Variants in ANKRD66 observed in about 807,000 individuals in gnomAD.
The protein encoded by ANKRD66 is ankyrin repeat domain-containing protein 66.
ANKRD66 carries 10 observed loss-of-function variants against 10.9 expected under a neutral mutation model. That is an observed-to-expected ratio of 0.91 (90% CI 0.56 to 1.55). The LOEUF (loss-of-function observed/expected upper bound fraction) is 1.55. Ranked by LOEUF, ANKRD66 falls within the 40% of genes most tolerant of loss-of-function variation. ANKRD66 has a pLI of 0.00. For synonymous variants in ANKRD66, 85 were observed against 88.4 expected, an observed-to-expected ratio of 0.96 and a Z score of 0.22; for missense variants, 252 against 242.9, an observed-to-expected ratio of 1.04 and a Z score of -0.25.
rs1394412020 is a variant in ANKRD66, at chr6:46,758,788, G to A, written c.458G>A (p.Arg153His). The change falls in exon 5 of 5, where the codon CGT becomes CAT. Residue 153 changes from arginine (R) to histidine (H), a missense_variant. Coordinates refer to ENST00000565422, the MANE Select transcript of ANKRD66 (RefSeq NM_001162435.3). ...AQQKGLPLDE[R>H]DEDWDAKKRE... Reference sequence around the variant, plus strand: ...CAGAAGGGGCTGCCTCTGGATGAGCGTGATGAAGACTGGGATGCCAAGAAA... The same window carrying A: ...CAGAAGGGGCTGCCTCTGGATGAGCATGATGAAGACTGGGATGCCAAGAAA... 16 of 1,551,406 alleles carry A rather than the reference G, an allele frequency of 1.0e-5. No homozygotes were observed. Among genetic ancestry groups the A allele is most frequent in the East Asian group, 2.4e-5 (1 of 40,930 alleles).
chr6:46,758,571 C>T (rs1004858506), intron 4 of ANKRD66, 152 bp from the exon 5 acceptor site: 37 of 651,036 alleles, frequency 5.7e-5, no homozygotes, highest in Non-Finnish European at 8.3e-5. Context: ...GTGTCTGAGA[C>T]CTTCCCTAAG....
intron 4 of ANKRD66, chr6:46,756,419 G>T: frequency 6.3e-6 from 1 of 159,742 alleles, no homozygotes. Flanking sequence ...GCTTGTAAAA[G>T]TTTCAAAATA....
chr6:46,749,557 C>CCCCCT (rs1766220791), intron 1 of ANKRD66, among the ~76,000 whole-genome samples: 1 of 96,334 alleles, frequency 1.0e-5, no homozygotes, highest in Non-Finnish European at 2.0e-5. Context: ...TATTCCCCCC[C>CCCCCT]CCCCCCCCCC....
At chr6:46,747,054 A>G in intron 1 of ANKRD66, 64 bp downstream of exon 1, 1 of 1,484,336 alleles carries the variant, frequency 6.7e-7, no homozygotes, top group Middle Eastern at 1.7e-4. Context: ...CACATTTATT[A>G]AAACTGATAT....
Position 46,748,123 on chromosome 6 carries a change from A to C in ANKRD66, c.-97+1133A>C, listed in dbSNP as rs572129005. 3.2e-4 allele frequency among the ~76,000 whole-genome samples: 48 copies of C among 152,350 alleles called. 1 individual carries two copies. Among genetic ancestry groups the C allele is most frequent in the African/African-American group, 1.0e-3 (43 of 41,582 alleles). ...TTAGCTGTAGATATCCAGTTGTCTCAGCATCATTTATTGAAAAGACTATTA... is the reference window on the plus strand; with the variant it reads ...TTAGCTGTAGATATCCAGTTGTCTCCGCATCATTTATTGAAAAGACTATTA... On this transcript the variant is annotated intron_variant, in intron 1 of 4. Transcript: ENST00000565422.
At chr6:46,749,137 A>G (rs1766208195) in intron 1 of ANKRD66, among the ~76,000 whole-genome samples, 1 of 152,186 alleles carries the variant, frequency 6.6e-6, no homozygotes, top group Admixed American at 6.5e-5. Context: ...GCCCCTCAGC[A>G]GCCCACAGCT....
At position 46,751,926 on chromosome 6, in the gene ANKRD66, C is replaced by A; in HGVS notation, c.-12-11C>A. 3 of 1,428,062 alleles carry A rather than the reference C, an allele frequency of 2.1e-6. No homozygotes were observed. The highest frequency in any genetic ancestry group is 1.5e-5 in the South Asian group (1 of 64,518). The allele number at this position is 1,428,062 out of a possible 1,614,324, so 88.5% of individuals were successfully genotyped here. A position where few individuals can be genotyped will look rare whatever the true frequency, so the allele number is the denominator to read the frequency against. On this transcript the variant is annotated splice_polypyrimidine_tract_variant and intron_variant, in intron 2 of 4. Coordinates refer to ENST00000565422, the MANE Select transcript of ANKRD66 (RefSeq NM_001162435.3). ...ACATAGAATTTCCTAAGTGGCATGT[C>A]TCTCCCACAGTTGTTTTCTGCCATG...
intron 2 of ANKRD66, among the ~76,000 whole-genome samples, chr6:46,751,615 T>TACTA (rs558516167): frequency 2.6e-3 from 389 of 152,300 alleles, no homozygotes; most frequent in African/African-American, 8.4e-3. Flanking sequence ...CTTACTTACT[T>TACTA]ACTAACGTAA....
chr6:46,749,558 C>T (rs112488581), intron 1 of ANKRD66, among the ~76,000 whole-genome samples: 2 of 98,200 alleles, frequency 2.0e-5, no homozygotes, highest in African/African-American at 8.4e-5. Context: ...ATTCCCCCCC[C>T]CCCCCCCCCG....
chr6:46,752,501 C>CT (rs2150727068), intron 3 of ANKRD66, among the ~76,000 whole-genome samples: 1 of 152,344 alleles, frequency 6.6e-6, no homozygotes, highest in East Asian at 1.9e-4. Context: ...TCCCAAAGTG[C>CT]TGGGATTACA....
rs572129005 is a variant in ANKRD66, at chr6:46,748,123, A to G, written c.-97+1133A>G. Among the ~76,000 whole-genome samples, 4 of 152,350 alleles carry G rather than the reference A, an allele frequency of 2.6e-5. No homozygotes were observed. The East Asian group carries it at 5.8e-4, about 22-fold the overall frequency. On this transcript the variant is annotated intron_variant, in intron 1 of 4. Transcript: ENST00000565422. ...TTAGCTGTAGATATCCAGTTGTCTC[A>G]GCATCATTTATTGAAAAGACTATTA...
At chr6:46,747,066 T>C in intron 1 of ANKRD66, 76 bp downstream of exon 1, 1 of 1,430,042 alleles carries the variant, frequency 7.0e-7, no homozygotes, top group Non-Finnish European at 9.5e-7. Context: ...AACTGATATT[T>C]ATTGACTACT....
rs2150726848 is a variant in ANKRD66, at chr6:46,751,931, C to A, written c.-12-6C>A. 7.0e-7 allele frequency: 1 copy of A among 1,436,650 alleles called. No homozygotes were observed. The highest frequency in any genetic ancestry group is 9.1e-7 in the Non-Finnish European group (1 of 1,095,294). The allele number at this position is 1,436,650 out of a possible 1,614,324, so 89.0% of individuals were successfully genotyped here. On this transcript the variant is annotated splice_polypyrimidine_tract_variant and splice_region_variant and intron_variant, in intron 2 of 4. Transcript: ENST00000565422. ...GAATTTCCTAAGTGGCATGTCTCTC[C>A]CACAGTTGTTTTCTGCCATGGAATT...
At chr6:46,750,629 T>A (rs1170962016) in intron 2 of ANKRD66, among the ~76,000 whole-genome samples, 5 of 148,782 alleles carry the variant, frequency 3.4e-5, no homozygotes, top group African/African-American at 1.2e-4. Context: ...CACATATACA[T>A]ACACACATAT....
intron 1 of ANKRD66, among the ~76,000 whole-genome samples, chr6:46,749,109 T>A (rs545906790): frequency 1.3e-5 from 2 of 152,278 alleles, no homozygotes; most frequent in Admixed American, 1.3e-4. Flanking sequence ...GCCCAGGCAA[T>A]GCCCTCTGCC....
chr6:46,753,691 C>A (rs777891121), intron 3 of ANKRD66, 31 bp from the exon 4 acceptor site: 248 of 1,518,654 alleles, frequency 1.6e-4, no homozygotes, highest in Non-Finnish European at 2.0e-4. Context: ...TTTATCCTAA[C>A]CTCATCCTGT....
chr6:46,756,278 T>A (rs181178287), intron 4 of ANKRD66: 219 of 213,628 alleles, frequency 1.0e-3, no homozygotes, highest in African/African-American at 4.5e-3. Context: ...TATTTCATTT[T>A]CAGCCAAAGG....
At chr6:46,751,246 C>T (rs553474355) in intron 2 of ANKRD66, among the ~76,000 whole-genome samples, 1 of 152,238 alleles carries the variant, frequency 6.6e-6, no homozygotes, top group East Asian at 1.9e-4. Flanking sequence ...CAATTGTCAA[C>T]ACAGTGTAAA....
At chr6:46,753,675 G>A (rs1273341421) in intron 3 of ANKRD66, 47 bp from the exon 4 acceptor site, 2 of 1,482,576 alleles carry the variant, frequency 1.3e-6, no homozygotes, top group Non-Finnish European at 1.8e-6. Flanking sequence ...AGCCACTTGG[G>A]ACATCTTTAT....
Sources: gnomAD v4.1 joint callset for allele counts (sites outside exome capture counted in the v4.1 genomes callset) on GRCh38, gnomAD v4.1.1 for gene constraint, MANE v1.5 for transcripts, NCBI Gene and HGNC (gene_info 2026-07-23, HGNC 2026-07-21) for gene names.